ASTN2: variants seen among roughly 807,000 people sequenced by gnomAD.
ASTN2 encodes astrotactin-2.
Under a neutral mutation model 139.8 loss-of-function variants are expected in ASTN2, and 54 were observed. The observed-to-expected ratio is 0.39, with a 90% CI of 0.31 to 0.48. The LOEUF (loss-of-function observed/expected upper bound fraction) is 0.48. Ranked by LOEUF, ASTN2 falls within the 20% of genes least tolerant of loss-of-function variation. ASTN2 has a pLI of 0.95. For missense variants in ASTN2, 1,565 were observed against 1,725.1 expected (o/e 0.91, Z 1.64); for synonymous variants, 756 against 719.5 (o/e 1.05, Z -0.81).
chr9:116,939,389 T>C (rs1223709769), intron 10 of ASTN2, among the ~76,000 whole-genome samples: 1 of 152,112 alleles, frequency 6.6e-6, no homozygotes, highest in Non-Finnish European at 1.5e-5. Flanking sequence ...ATATTTGCTT[T>C]TGTTATTTAA....
chr9:116,959,498 C>A lies in ASTN2; in HGVS notation c.1889+15710G>T, dbSNP rs1360370839. On this transcript the variant is annotated intron_variant, in intron 10 of 22. Transcript: ENST00000313400. ...AGCAAGTTTGCGGTTTAGATGAATC[C>A]ACTCCAGTGGCTCGTGGAGGATGAC... 2.6e-5 allele frequency among the ~76,000 whole-genome samples: 4 copies of A among 152,212 alleles called. No homozygotes were observed. The East Asian group carries it at 7.8e-4, about 30-fold the overall frequency.
chr9:116,573,000 CAT>C (rs1423287711), intron 19 of ASTN2, among the ~76,000 whole-genome samples: 1 of 141,474 alleles, frequency 7.1e-6, no homozygotes, highest in Non-Finnish European at 1.5e-5. Flanking sequence ...TGCGTGCACA[CAT>C]GTGGGTACAT....
chr9:117,173,649 A>C (rs944446802), intron 3 of ASTN2, among the ~76,000 whole-genome samples: 8 of 152,146 alleles, frequency 5.3e-5, no homozygotes, highest in Admixed American at 1.3e-4. Context: ...CAAAATAATA[A>C]AAAAATAGAA....
At chr9:117,358,270 AC>A (rs1338327508) in intron 1 of ASTN2, among the ~76,000 whole-genome samples, 1 of 149,618 alleles carries the variant, frequency 6.7e-6, no homozygotes, top group Non-Finnish European at 1.5e-5. Context: ...AGACACACAC[AC>A]ACACACACAC....
chr9:117,225,329 G>A (rs899505413), intron 2 of ASTN2, among the ~76,000 whole-genome samples: 56 of 151,462 alleles, frequency 3.7e-4, no homozygotes, highest in African/African-American at 1.1e-3. Context: ...AAGTTCTGTC[G>A]CAAATCCCAC....
chr9:117,383,039 A>G (rs1422452691), intron 1 of ASTN2, among the ~76,000 whole-genome samples: 1 of 152,214 alleles, frequency 6.6e-6, no homozygotes, highest in East Asian at 1.9e-4. Context: ...CTCTGCCAAT[A>G]TAGAGTAAAA....
chr9:116,609,802 A>G (rs1339909876), intron 19 of ASTN2, among the ~76,000 whole-genome samples: 1 of 152,138 alleles, frequency 6.6e-6, no homozygotes, highest in Non-Finnish European at 1.5e-5. Flanking sequence ...CACATATGAC[A>G]AAAACTGCAT....
rs114319572 is a variant in ASTN2 at position 116,449,393 on chromosome 9, G to A, written c.3498-6840C>T. On this transcript the variant is annotated intron_variant, in intron 20 of 22. Coordinates refer to ENST00000313400, the MANE Select transcript of ASTN2 (RefSeq NM_001365068.1). ...TGCAGTCTAGCCTGGCCAAGAGAGC[G>A]AGACCCTGCCTCTAAATAAATAAAT... Among the ~76,000 whole-genome samples the A allele has an allele frequency of 8.7e-3, 1,332 of 152,230 alleles. 22 individuals are homozygous for A. Among genetic ancestry groups the A allele is most frequent in the African/African-American group, 0.03 (1,255 of 41,546 alleles).
At chr9:116,709,811 T>C (rs1331798924) in intron 16 of ASTN2, among the ~76,000 whole-genome samples, 12 of 152,270 alleles carry the variant, frequency 7.9e-5, no homozygotes, top group Non-Finnish European at 1.5e-4. Context: ...ATACATAATA[T>C]TGGGCTCTTG....
intron 5 of ASTN2, among the ~76,000 whole-genome samples, chr9:117,079,307 G>T (rs192417025): frequency 6.6e-6 from 1 of 152,092 alleles, no homozygotes; most frequent in Non-Finnish European, 1.5e-5. Flanking sequence ...TGTGAGCTGC[G>T]ATGGCACCAC....
At chr9:117,149,201 G>C (rs1391056441) in intron 3 of ASTN2, among the ~76,000 whole-genome samples, 1 of 151,850 alleles carries the variant, frequency 6.6e-6, no homozygotes, top group Non-Finnish European at 1.5e-5. Flanking sequence ...TGTATTTTTA[G>C]TAGAGACAGG....
chr9:117,205,374 CAT>C (rs1831882349), intron 3 of ASTN2, among the ~76,000 whole-genome samples: 1 of 152,158 alleles, frequency 6.6e-6, no homozygotes, highest in East Asian at 1.9e-4. Flanking sequence ...GTATTTTACA[CAT>C]CTTTTATTTT....
chr9:116,607,657 C>T (rs1336750838), intron 19 of ASTN2, among the ~76,000 whole-genome samples: 1 of 149,812 alleles, frequency 6.7e-6, no homozygotes, highest in Non-Finnish European at 1.5e-5. Context: ...ACTGCCCACA[C>T]CATTAAGAAA....
chr9:117,250,566 AT>A (rs1198035963), intron 2 of ASTN2, among the ~76,000 whole-genome samples: 2 of 152,206 alleles, frequency 1.3e-5, no homozygotes, highest in Non-Finnish European at 2.9e-5. Context: ...TCATTTATTA[AT>A]TCATTAATTC....
chr9:117,113,971 G>A (rs906156374), intron 4 of ASTN2, among the ~76,000 whole-genome samples: 6 of 152,026 alleles, frequency 3.9e-5, no homozygotes, highest in Middle Eastern at 3.4e-3. Flanking sequence ...ACTCTAAATG[G>A]ATGTGATTTC....
intron 3 of ASTN2, among the ~76,000 whole-genome samples, chr9:117,165,246 T>C (rs926450686): frequency 6.6e-6 from 1 of 152,150 alleles, no homozygotes; most frequent in East Asian, 1.9e-4. Context: ...ACTTACAACA[T>C]GCCTTGTATG....
intron 1 of ASTN2, among the ~76,000 whole-genome samples, chr9:117,360,991 C>T (rs936207161): frequency 4.6e-5 from 7 of 151,974 alleles, no homozygotes; most frequent in African/African-American, 9.7e-5. Context: ...CTTAAATCCC[C>T]GAATTATTCT....
intron 20 of ASTN2, among the ~76,000 whole-genome samples, chr9:116,465,381 G>A (rs1848619635): frequency 6.6e-6 from 1 of 152,204 alleles, no homozygotes; most frequent in Non-Finnish European, 1.5e-5. Context: ...GCTGGGTACG[G>A]TTGGGGCATC....
chr9:116,938,472 C>T (rs1275817558), intron 10 of ASTN2, among the ~76,000 whole-genome samples: 2 of 152,150 alleles, frequency 1.3e-5, no homozygotes, highest in African/African-American at 2.4e-5. Flanking sequence ...CTGACATTAC[C>T]TCCCCAGGGC....
Sources: allele counts gnomAD v4.1 joint callset (sites outside exome capture counted in the v4.1 genomes callset), GRCh38; gene constraint gnomAD v4.1.1; transcripts MANE v1.5; gene names NCBI Gene and HGNC (gene_info 2026-07-23, HGNC 2026-07-21).